Variants in SPIDR observed in about 807,000 individuals in gnomAD.
SPIDR encodes the protein DNA repair-scaffolding protein.
A neutral mutation model predicts 104.6 loss-of-function variants in SPIDR; 93 were observed. That is an observed-to-expected ratio of 0.89 (90% confidence interval 0.75 to 1.06). The LOEUF (loss-of-function observed/expected upper bound fraction) is 1.06. Ranked by LOEUF, SPIDR falls within the 50% of genes least tolerant of loss-of-function variation. SPIDR has a pLI of 0.00. For missense variants in SPIDR, 1,154 were observed against 1,111.2 expected (o/e 1.04, Z -0.55); for synonymous variants, 431 against 416.9 (o/e 1.03, Z -0.41).
chr8:47,563,961 G>A lies in SPIDR; in HGVS notation c.1098-31850G>A, dbSNP rs117442385. ...AGTCTGAGGTTAAATGTCTTTTGAT[G>A]TAGTAAAACTTATAAAGTGTGAAGA... On this transcript the variant is annotated intron_variant, in intron 8 of 19. Coordinates refer to ENST00000297423, the MANE Select transcript of SPIDR (RefSeq NM_001080394.4). Among the ~76,000 whole-genome samples, 24 of 151,056 alleles carry A rather than the reference G, an allele frequency of 1.6e-4. No homozygotes were observed. In the East Asian group the frequency reaches 4.7e-3, roughly 30 times the overall value.
intron 5 of SPIDR, among the ~76,000 whole-genome samples, chr8:47,340,565 G>C (rs2050562539): frequency 6.6e-6 from 1 of 152,164 alleles, no homozygotes; most frequent in African/African-American, 2.4e-5. Context: ...TTGCGCCACT[G>C]CACTCCAGTC....
chr8:47,559,576 C>G (rs1432899183), intron 8 of SPIDR, among the ~76,000 whole-genome samples: 3 of 152,126 alleles, frequency 2.0e-5, no homozygotes, highest in African/African-American at 7.2e-5. Context: ...TAGGGGTGAT[C>G]CTGATAATTC....
intron 5 of SPIDR, among the ~76,000 whole-genome samples, chr8:47,326,682 T>C (rs1554600503): frequency 6.6e-6 from 1 of 152,250 alleles, no homozygotes; most frequent in Non-Finnish European, 1.5e-5. Context: ...ACCTGTTCTG[T>C]TATTTCACAT....
intron 8 of SPIDR, among the ~76,000 whole-genome samples, chr8:47,521,948 G>T (rs2084182351): frequency 6.6e-6 from 1 of 151,444 alleles, no homozygotes; most frequent in Admixed American, 6.6e-5. Flanking sequence ...TGGATCACTT[G>T]AGGTCAGGAG....
At chr8:47,574,772 G>A (rs2058888787) in intron 8 of SPIDR, among the ~76,000 whole-genome samples, 1 of 151,780 alleles carries the variant, frequency 6.6e-6, no homozygotes, top group Admixed American at 6.6e-5. Flanking sequence ...GGAGGGGAGG[G>A]GAGGGGAGGA....
chr8:47,654,693 CATT>C (rs1181765060), intron 10 of SPIDR, among the ~76,000 whole-genome samples: 1 of 152,158 alleles, frequency 6.6e-6, no homozygotes, highest in Non-Finnish European at 1.5e-5. Context: ...TCATATAAGA[CATT>C]ATCTTTTAAT....
rs797029485 is a variant in SPIDR at position 47,293,795 on chromosome 8, C to T, written c.362-72C>T. The stretch of plus-strand genomic sequence containing the variant: ...TTGAGTGACATGGATATATTAACTG[C>T]TAAGAATAAAAGAGATATAAAAGTG... On this transcript the variant is annotated intron_variant, in intron 4 of 19. Coordinates refer to ENST00000297423, the MANE Select transcript of SPIDR (RefSeq NM_001080394.4). The T allele has an allele frequency of 4.2e-6, 6 of 1,439,628 alleles. No homozygotes were observed. In the African/African-American group the frequency reaches 8.7e-5, roughly 21 times the overall value. The allele number at this position is 1,439,628 out of a possible 1,614,324, so 89.2% of individuals were successfully genotyped here.
chr8:47,501,204 A>G (rs2080365984), intron 8 of SPIDR, among the ~76,000 whole-genome samples: 1 of 152,172 alleles, frequency 6.6e-6, no homozygotes, highest in Non-Finnish European at 1.5e-5. Context: ...CTTGATGGGG[A>G]TGGCATTGAA....
At chr8:47,616,052 T>C (rs1043231499) in intron 10 of SPIDR, among the ~76,000 whole-genome samples, 10 of 152,230 alleles carry the variant, frequency 6.6e-5, no homozygotes, top group Non-Finnish European at 1.3e-4. Flanking sequence ...TGCTGAAGTT[T>C]TTAGCTGTAA....
At chr8:47,710,974 C>T (rs549437020) in intron 14 of SPIDR, among the ~76,000 whole-genome samples, 5 of 151,936 alleles carry the variant, frequency 3.3e-5, no homozygotes, top group Admixed American at 6.6e-5. Context: ...GATGGGGTCT[C>T]ACTATATTGG....
At chr8:47,511,667 C>T in intron 8 of SPIDR, 1 of 832,878 alleles carries the variant, frequency 1.2e-6, no homozygotes, top group Non-Finnish European at 2.1e-6. Flanking sequence ...TCCTCTGGTG[C>T]TGCCCCAAGG....
At chr8:47,275,648 A>T (rs2036272947) in intron 1 of SPIDR, among the ~76,000 whole-genome samples, 1 of 152,228 alleles carries the variant, frequency 6.6e-6, no homozygotes, top group African/African-American at 2.4e-5. Context: ...TCTATTTTAC[A>T]GTTATAACTG....
At chr8:47,316,711 G>A (rs973973650) in intron 5 of SPIDR, among the ~76,000 whole-genome samples, 5 of 152,146 alleles carry the variant, frequency 3.3e-5, no homozygotes, top group East Asian at 3.9e-4. Context: ...GATTAATTGC[G>A]AAAAGTCTTA....
At chr8:47,689,990 A>G (rs930160047) in intron 11 of SPIDR, among the ~76,000 whole-genome samples, 2 of 152,228 alleles carry the variant, frequency 1.3e-5, no homozygotes, top group Non-Finnish European at 2.9e-5. Flanking sequence ...ATTCAAGATA[A>G]TAAGATGAAT....
At chr8:47,638,244 C>G (rs993230965) in intron 10 of SPIDR, among the ~76,000 whole-genome samples, 2 of 151,920 alleles carry the variant, frequency 1.3e-5, no homozygotes, top group African/African-American at 4.8e-5. Flanking sequence ...AGACCTGGCT[C>G]CTTTTTTTCA....
chr8:47,704,334 A>G (rs931787239), intron 14 of SPIDR, among the ~76,000 whole-genome samples: 22 of 152,368 alleles, frequency 1.4e-4, no homozygotes, highest in African/African-American at 4.6e-4. Context: ...CTCAGCAGCA[A>G]TAGTGTCACT....
intron 8 of SPIDR, among the ~76,000 whole-genome samples, chr8:47,452,634 C>A (rs560810662): frequency 6.6e-6 from 1 of 152,256 alleles, no homozygotes; most frequent in South Asian, 2.1e-4. Flanking sequence ...TCAATAGATG[C>A]AGAAAAGGCC....
At chr8:47,423,918 A>G (rs1554682863) in intron 7 of SPIDR, among the ~76,000 whole-genome samples, 1 of 152,244 alleles carries the variant, frequency 6.6e-6, no homozygotes, top group Non-Finnish European at 1.5e-5. Context: ...TTTGCTCATT[A>G]TCTGCATGAT....
chr8:47,349,912 C>G (rs1373760532), intron 5 of SPIDR, among the ~76,000 whole-genome samples: 1 of 152,170 alleles, frequency 6.6e-6, no homozygotes, highest in East Asian at 1.9e-4. Flanking sequence ...ATTCCCTGAC[C>G]CTTTGTGCTT....
Sources: gnomAD v4.1 joint callset for allele counts (sites outside exome capture counted in the v4.1 genomes callset) on GRCh38, gnomAD v4.1.1 for gene constraint, MANE v1.5 for transcripts, NCBI Gene and HGNC (gene_info 2026-07-23, HGNC 2026-07-21) for gene names.